SLC25A21: variants seen among roughly 807,000 people sequenced by gnomAD.
The protein encoded by SLC25A21 is mitochondrial 2-oxodicarboxylate carrier.
Under a neutral mutation model 43.8 loss-of-function variants are expected in SLC25A21, and 47 were observed. The ratio of observed to expected loss-of-function variants is 1.07; its 90% CI spans 0.85 to 1.37. The LOEUF (loss-of-function observed/expected upper bound fraction) is 1.37. Ranked by LOEUF, SLC25A21 falls within the 40% of genes most tolerant of loss-of-function variation. The probability of loss-of-function intolerance (pLI) is 0.00; values close to 1 mark genes in which losing one functional copy is unlikely to be tolerated. For missense variants in SLC25A21, 352 were observed against 350.2 expected (o/e 1.00, Z -0.04); for synonymous variants, 131 against 121.3 (o/e 1.08, Z -0.52).
At chr14:37,033,777 T>C (rs954536258) in intron 1 of SLC25A21, among the ~76,000 whole-genome samples, 1 of 152,116 alleles carries the variant, frequency 6.6e-6, no homozygotes, top group Non-Finnish European at 1.5e-5. Flanking sequence ...ACGTGGATGG[T>C]TGAGGATTAG....
At chr14:37,161,387 T>G (rs942077478) in intron 1 of SLC25A21, among the ~76,000 whole-genome samples, 1 of 152,116 alleles carries the variant, frequency 6.6e-6, no homozygotes, top group African/African-American at 2.4e-5. Context: ...TTCAGAAAGG[T>G]TGACCATGAA....
chr14:36,841,112 A>G (rs1889371051), intron 2 of SLC25A21, among the ~76,000 whole-genome samples: 1 of 152,228 alleles, frequency 6.6e-6, no homozygotes, highest in South Asian at 2.1e-4. Flanking sequence ...CTTGGAGTAT[A>G]ACTGAAGTAT....
intron 3 of SLC25A21, among the ~76,000 whole-genome samples, chr14:36,793,579 C>T (rs1392483092): frequency 6.8e-6 from 1 of 147,354 alleles, no homozygotes; most frequent in African/African-American, 2.5e-5. Flanking sequence ...TGGTCTCATA[C>T]ATGTCATGTT....
At chr14:37,058,491 G>A (rs1329810416) in intron 1 of SLC25A21, among the ~76,000 whole-genome samples, 2 of 152,088 alleles carry the variant, frequency 1.3e-5, no homozygotes, top group Non-Finnish European at 2.9e-5. Context: ...GAAATTAATT[G>A]TTTTATAAAA....
chr14:36,994,215 A>G, intron 1 of SLC25A21, among the ~76,000 whole-genome samples: 1 of 152,292 alleles, frequency 6.6e-6, no homozygotes, highest in East Asian at 1.9e-4. Context: ...GCTTCACAAT[A>G]TGGAGAGAAG....
chr14:36,943,545 C>T (rs2138652524), intron 1 of SLC25A21, among the ~76,000 whole-genome samples: 1 of 152,256 alleles, frequency 6.6e-6, no homozygotes, highest in African/African-American at 2.4e-5. Flanking sequence ...TTTCAGAGCA[C>T]ACAAATGAAC....
chr14:36,823,496 C>T (rs368711736), intron 2 of SLC25A21, among the ~76,000 whole-genome samples: 1 of 152,126 alleles, frequency 6.6e-6, no homozygotes, highest in East Asian at 1.9e-4. Context: ...CATCCACATG[C>T]TCTTACTACA....
chr14:36,706,259 C>T (rs958057391), intron 7 of SLC25A21, among the ~76,000 whole-genome samples: 1 of 152,180 alleles, frequency 6.6e-6, no homozygotes, highest in African/African-American at 2.4e-5. Flanking sequence ...CACTTTTATG[C>T]CACCTTAACA....
intron 1 of SLC25A21, among the ~76,000 whole-genome samples, chr14:37,092,121 T>C (rs1354646095): frequency 1.3e-5 from 2 of 152,140 alleles, no homozygotes; most frequent in East Asian, 3.9e-4. Flanking sequence ...AACAAGACCC[T>C]GTCTCTCTCA....
At chr14:36,752,963 G>C (rs932786646) in intron 3 of SLC25A21, among the ~76,000 whole-genome samples, 6 of 152,100 alleles carry the variant, frequency 3.9e-5, no homozygotes, top group African/African-American at 1.4e-4. Flanking sequence ...CCCAGTCTTG[G>C]GTATGTCTTT....
chr14:36,931,913 T>C (rs999825205), intron 1 of SLC25A21, among the ~76,000 whole-genome samples: 4 of 152,162 alleles, frequency 2.6e-5, no homozygotes, highest in Admixed American at 2.0e-4. Flanking sequence ...ATAATGAACT[T>C]TGAGCTAGAG....
chr14:37,021,224 G>C (rs970560905), intron 1 of SLC25A21, among the ~76,000 whole-genome samples: 1 of 151,930 alleles, frequency 6.6e-6, no homozygotes, highest in African/African-American at 2.4e-5. Context: ...GATGTAAAGA[G>C]AACTAATGAC....
At chr14:36,708,475 T>C (rs1455493094) in intron 7 of SLC25A21, among the ~76,000 whole-genome samples, 1 of 152,224 alleles carries the variant, frequency 6.6e-6, no homozygotes, top group East Asian at 1.9e-4. Context: ...TCTTTCCCTG[T>C]CATGCAGGCT....
chr14:36,789,987 A>T (rs1887425805), intron 3 of SLC25A21, among the ~76,000 whole-genome samples: 1 of 133,496 alleles, frequency 7.5e-6, no homozygotes, highest in African/African-American at 2.9e-5. Flanking sequence ...AAATATATAT[A>T]TATTTTTCCT....
Position 37,172,424 on chromosome 14 carries a change from C to T in SLC25A21, c.-74G>A. 4 of 1,457,760 alleles carry T rather than the reference C, an allele frequency of 2.7e-6. No homozygotes were observed. The highest frequency in any genetic ancestry group is 3.8e-6 in the Non-Finnish European group (4 of 1,061,028). 90.3% of individuals were successfully genotyped at this position (1,457,760 alleles called of 1,614,324 possible). A position where few individuals can be genotyped will look rare whatever the true frequency, so the allele number is the denominator to read the frequency against. ...CTCGCAGCCTGCACAGCCTACTGAT[C>T]CAGAGAGCCCCGGCTGGGCTGGTCC... is the stretch of plus-strand genomic sequence containing the variant. On this transcript the variant is annotated 5_prime_UTR_variant, in exon 1 of 10. Coordinates refer to ENST00000331299, the MANE Select transcript of SLC25A21 (RefSeq NM_030631.4).
chr14:36,776,832 T>TCTATTTACCTTCACAC (rs1415137840), intron 3 of SLC25A21, among the ~76,000 whole-genome samples: 10 of 152,166 alleles, frequency 6.6e-5, no homozygotes, highest in Non-Finnish European at 1.0e-4. Flanking sequence ...CACCTTCACA[T>TCTATTTACCTTCACAC]CTATTTACCT....
chr14:37,054,031 T>C (rs1262192616), intron 1 of SLC25A21, among the ~76,000 whole-genome samples: 3 of 152,216 alleles, frequency 2.0e-5, no homozygotes, highest in Non-Finnish European at 2.9e-5. Context: ...CTGCCTGATA[T>C]GGTCTGGCTT....
Position 37,160,443 on chromosome 14 carries a change from A to C in SLC25A21, c.70+11838T>G, listed in dbSNP as rs545861844. On this transcript the variant is annotated intron_variant, in intron 1 of 9. Coordinates refer to ENST00000331299, the MANE Select transcript of SLC25A21 (RefSeq NM_030631.4). Reference sequence around the variant, plus strand: ...AACATGGATGAAACTGGAGGTCGTTATCTTAAGAGAAATAAGCCAGGCACA... The same window carrying C: ...AACATGGATGAAACTGGAGGTCGTTCTCTTAAGAGAAATAAGCCAGGCACA... Among the ~76,000 whole-genome samples the C allele has an allele frequency of 6.6e-5, 10 of 152,344 alleles. No individual in the cohort carries two copies. The South Asian group carries it at 1.9e-3, about 28-fold the overall frequency.
At chr14:36,908,738 G>A (rs1594685192) in intron 1 of SLC25A21, among the ~76,000 whole-genome samples, 5 of 152,242 alleles carry the variant, frequency 3.3e-5, no homozygotes. Flanking sequence ...GCAGAGCACA[G>A]AGTGATATGG....
Sources: allele counts gnomAD v4.1 joint callset (sites outside exome capture counted in the v4.1 genomes callset), GRCh38; gene constraint gnomAD v4.1.1; transcripts MANE v1.5; gene names NCBI Gene and HGNC (gene_info 2026-07-23, HGNC 2026-07-21).